The following ZNF544 variants were observed in gnomAD, a reference collection of about 807,000 sequenced individuals.
ZNF544 encodes zinc finger protein 544, also known as zinc finger protein AF020591.
Under a neutral mutation model 13.5 loss-of-function variants are expected in ZNF544, and 10 were observed. The observed-to-expected ratio is 0.74, with a 90% CI of 0.46 to 1.25. The LOEUF (loss-of-function observed/expected upper bound fraction) is 1.25, where lower values mean the gene tolerates loss of function less well. ZNF544 is among the 50% of genes most tolerant of loss of function. ZNF544 has a pLI of 0.00. For synonymous variants in ZNF544, 323 were observed against 300.5 expected (o/e 1.07, Z -0.77); for missense variants, 896 against 845.6 (o/e 1.06, Z -0.74).
At chr19:58,266,756 T>C (rs940088491), downstream of ZNF544, 10 of 152,068 alleles carry the variant, frequency 6.6e-5, no homozygotes, top group African/African-American at 2.4e-4. Flanking sequence ...TAGCAAAAAT[T>C]AAAGTAGGGA....
chr19:58,262,328 A>G lies in ZNF544; in HGVS notation c.1722A>G (p.Lys574=), dbSNP rs1203064736. The change falls in exon 7 of 7, where the codon AAA becomes AAG. Residue 574 remains lysine (K), a synonymous_variant. Coordinates refer to ENST00000687789, the MANE Select transcript of ZNF544 (RefSeq NM_014480.4). ...ATCAGAGAATTCATACTGGAGAGAA[A>G]CCGTACGATTGCACTCACTGTGGAA... is the stretch of plus-strand genomic sequence containing the variant. The part of the protein sequence containing the change: ...VIHQRIHTGE[K]PYDCTHCGKS... 6.2e-7 allele frequency: 1 copy of G among 1,613,734 alleles called. No individual in the cohort carries two copies. Among genetic ancestry groups the G allele is most frequent in the African/African-American group, 1.3e-5 (1 of 74,796 alleles).
At chr19:58,265,982 A>T (rs915622000), downstream of ZNF544, among the ~76,000 whole-genome samples, 1 of 151,790 alleles carries the variant, frequency 6.6e-6, no homozygotes, top group African/African-American at 2.4e-5. Context: ...AGGCAGGCAG[A>T]TCCCTTGAGG....
chr19:58,249,266 T>G (rs2045914871), intron 6 of ZNF544, among the ~76,000 whole-genome samples: 1 of 152,142 alleles, frequency 6.6e-6, no homozygotes, highest in Non-Finnish European at 1.5e-5. Context: ...GTAAAGGGAT[T>G]GATAGTCTTT....
chr19:58,253,663 C>CT (rs1438650530), intron 6 of ZNF544, among the ~76,000 whole-genome samples: 2 of 152,068 alleles, frequency 1.3e-5, no homozygotes, highest in East Asian at 3.9e-4. Context: ...TGGTCTCGAA[C>CT]TCCTGACCTC....
rs186531136 is a variant in ZNF544, at chr19:58,244,620, G to A, written c.33+564G>A. Among the ~76,000 whole-genome samples the A allele has an allele frequency of 2.8e-3, 420 of 152,206 alleles. 3 individuals are homozygous for A. The highest frequency in any genetic ancestry group is 9.8e-3 in the African/African-American group (408 of 41,546). ...ACGTAGGATCTCCCTCTATTGCCCA[G>A]GCTGGAGTGCAGCGGCATGATCTTG... is the stretch of plus-strand genomic sequence containing the variant. On this transcript the variant is annotated intron_variant, in intron 4 of 6. Transcript: ENST00000687789.
chr19:58,275,147 A>G (rs1568518408), intron 5 of ZNF544, among the ~76,000 whole-genome samples: 2 of 152,078 alleles, frequency 1.3e-5, no homozygotes. Context: ...CACCCATAAA[A>G]TGAGAAATGC....
At chr19:58,236,269 G>GT in intron 3 of ZNF544, among the ~76,000 whole-genome samples, 1 of 151,774 alleles carries the variant, frequency 6.6e-6, no homozygotes, top group Non-Finnish European at 1.5e-5. Flanking sequence ...GGAGGCCGAG[G>GT]CGGGCAGATC....
chr19:58,241,166 T>TATATATATATATTTAA (rs1568460765), intron 3 of ZNF544, among the ~76,000 whole-genome samples: 4 of 87,700 alleles, frequency 4.6e-5, no homozygotes, highest in African/African-American at 1.5e-4. Context: ...TATTTAAATA[T>TATATATATATATTTAA]ATATATATAT....
rs551640549 is a variant in ZNF544 at position 58,242,767 on chromosome 19, G to A, written c.-59-1198G>A. Among the ~76,000 whole-genome samples, 20 of 152,066 alleles carry A rather than the reference G, an allele frequency of 1.3e-4. No homozygotes were observed. The East Asian group carries it at 2.3e-3, about 18-fold the overall frequency. On this transcript the variant is annotated intron_variant, in intron 3 of 6. Transcript: ENST00000687789. ...GGCTGGAGTGCAGGGGTGCAATCTC[G>A]GCTCACTAAAACTTCCCGCCCCCCG...
At chr19:58,258,128 T>A (rs538243799) in intron 6 of ZNF544, 1 of 152,388 alleles carries the variant, frequency 6.6e-6, no homozygotes, top group African/African-American at 2.4e-5. Context: ...GACAGCCCCT[T>A]TCCTCATTTC....
intron 6 of ZNF544, chr19:58,276,512 G>C: frequency 1.1e-6 from 1 of 891,246 alleles, no homozygotes; most frequent in Non-Finnish European, 1.5e-6. Context: ...CTGTCGCCCA[G>C]GCTGGAGTGC....
chr19:58,277,036 A>AT (rs2051274321), intron 6 of ZNF544: 1 of 444,018 alleles, frequency 2.3e-6, no homozygotes. Context: ...CTACCTGCTT[A>AT]AAGTATCAGT....
chr19:58,265,282 A>ATATTTTATT (rs2049716044), downstream of ZNF544, among the ~76,000 whole-genome samples: 1 of 147,346 alleles, frequency 6.8e-6, no homozygotes, highest in Non-Finnish European at 1.5e-5. Flanking sequence ...CCATGTCTGC[A>ATATTTTATT]TATTTATTTA....
chr19:58,269,986 T>C (rs2050431370), intron 5 of ZNF544, among the ~76,000 whole-genome samples: 1 of 152,152 alleles, frequency 6.6e-6, no homozygotes, highest in Admixed American at 6.6e-5. Flanking sequence ...AAGAAAGGAA[T>C]AGCTTTAATC....
intron 6 of ZNF544, among the ~76,000 whole-genome samples, chr19:58,249,001 A>C (rs117179984): frequency 6.6e-6 from 1 of 152,202 alleles, no homozygotes; most frequent in African/African-American, 2.4e-5. Context: ...TTACACCTCT[A>C]TGCAGATGAA....
At chr19:58,258,424 T>G (rs260460) in intron 6 of ZNF544, 2,816 of 29,550 alleles carry the variant, frequency 0.095, 155 homozygotes, top group Middle Eastern at 0.13. Context: ...AGGGTGCTGG[T>G]TGCGAGGGCA....
chr19:58,242,971 A>G (rs1201006589), intron 3 of ZNF544, among the ~76,000 whole-genome samples: 3 of 151,962 alleles, frequency 2.0e-5, no homozygotes, highest in Admixed American at 6.6e-5. Context: ...CTGGGATTAC[A>G]CGCGTGAGCC....
At chr19:58,239,860 C>G (rs1375142577) in intron 3 of ZNF544, among the ~76,000 whole-genome samples, 1 of 150,294 alleles carries the variant, frequency 6.7e-6, no homozygotes, top group East Asian at 2.0e-4. Context: ...GATTGCGCCA[C>G]TACACTCCAG....
chr19:58,277,087 TTGGTC>T (rs2051277909), intron 6 of ZNF544: 1 of 848,210 alleles, frequency 1.2e-6, no homozygotes, highest in Admixed American at 4.3e-5. Context: ...CTGTCTTGGT[TTGGTC>T]TGGTCTCATG....
Sources: allele counts gnomAD v4.1 joint callset (sites outside exome capture counted in the v4.1 genomes callset), GRCh38; gene constraint gnomAD v4.1.1; transcripts MANE v1.5; gene names NCBI Gene and HGNC (gene_info 2026-07-23, HGNC 2026-07-21).